Variants in RAB3IP observed in about 807,000 individuals in gnomAD.
The protein encoded by RAB3IP is rab-3A-interacting protein.
Under a neutral mutation model 59.1 loss-of-function variants are expected in RAB3IP, and 36 were observed. The ratio of observed to expected loss-of-function variants is 0.61; its 90% CI spans 0.47 to 0.80. The LOEUF (loss-of-function observed/expected upper bound fraction) is 0.80. Ranked by LOEUF, RAB3IP falls within the 30% of genes least tolerant of loss-of-function variation. RAB3IP has a pLI of 0.00. For synonymous variants in RAB3IP, 207 were observed against 191.2 expected (o/e 1.08, Z -0.68); for missense variants, 511 against 536.0 (o/e 0.95, Z 0.46).
chr12:69,799,012 A>T (rs919010857), intron 6 of RAB3IP, among the ~76,000 whole-genome samples: 14 of 152,186 alleles, frequency 9.2e-5, no homozygotes, highest in Non-Finnish European at 4.4e-5. Flanking sequence ...CCTTTTTCTC[A>T]GTAACTTTAC....
In RAB3IP at chr12:69,798,113, TGGTTGAACTA is replaced by T. The variant is rs1269633294; in HGVS notation, c.889-2094_889-2085del. On this transcript the variant is annotated intron_variant, in intron 6 of 10. Coordinates refer to ENST00000247833, the MANE Select transcript of RAB3IP (RefSeq NM_022456.5). The stretch of plus-strand genomic sequence containing the variant: ...GGAATCACCACACTGACTTCCACAA[TGGTTGAACTA>T]GTTTACAGTCCCACCAACAGTGTAA... Among the ~76,000 whole-genome samples, 4 of 152,324 alleles carry T rather than the reference TGGTTGAACTA, an allele frequency of 2.6e-5. No individual in the cohort carries two copies. In the East Asian group the frequency reaches 7.7e-4, roughly 29 times the overall value.
intron 1 of RAB3IP, among the ~76,000 whole-genome samples, chr12:69,744,795 T>C (rs775048647): frequency 3.5e-4 from 53 of 152,156 alleles, no homozygotes; most frequent in Admixed American, 9.8e-4. Context: ...ATTTGAGTAA[T>C]TTTGCCCTTG....
chr12:69,802,165 A>G (rs1033213441), intron 8 of RAB3IP, among the ~76,000 whole-genome samples: 3 of 151,662 alleles, frequency 2.0e-5, no homozygotes, highest in Admixed American at 1.3e-4. Flanking sequence ...TTACACGTAT[A>G]TGTGTAGCCA....
intron 8 of RAB3IP, among the ~76,000 whole-genome samples, chr12:69,806,052 G>T (rs1879213668): frequency 6.6e-6 from 1 of 152,150 alleles, no homozygotes; most frequent in Non-Finnish European, 1.5e-5. Flanking sequence ...CTATTTATTG[G>T]AATAGTTTCA....
chr12:69,765,773 C>A (rs1363902964), intron 3 of RAB3IP, among the ~76,000 whole-genome samples: 1 of 152,230 alleles, frequency 6.6e-6, no homozygotes, highest in Non-Finnish European at 1.5e-5. Context: ...TTTGTGGTAG[C>A]AGGTATCATT....
In RAB3IP at chr12:69,767,238, G is replaced by A. The variant is rs144763102; in HGVS notation, c.510+10575G>A. Among the ~76,000 whole-genome samples the A allele has an allele frequency of 4.7e-3, 712 of 151,956 alleles. 5 individuals carry two copies. Among genetic ancestry groups the A allele is most frequent in the Non-Finnish European group, 7.8e-3 (527 of 67,954 alleles). On this transcript the variant is annotated intron_variant, in intron 3 of 10. Coordinates refer to ENST00000247833, the MANE Select transcript of RAB3IP (RefSeq NM_022456.5). Reference sequence around the variant, plus strand: ...ATTCTGGGTAGGATCTTTTGGTTTTGCTTCTATAGTTCTGTGCACTTCTTT... The same window carrying A: ...ATTCTGGGTAGGATCTTTTGGTTTTACTTCTATAGTTCTGTGCACTTCTTT...
rs1036009073 is a variant in RAB3IP at position 69,815,219 on chromosome 12, A to G, written c.1301-145A>G. On this transcript the variant is annotated intron_variant, in intron 10 of 10. Transcript: ENST00000247833. Reference sequence around the variant, plus strand: ...ACTGGGATGGTCACAAGTCTGTGGAAAAGTTTATGTGAATTATTGAAAAAA... The same window carrying G: ...ACTGGGATGGTCACAAGTCTGTGGAGAAGTTTATGTGAATTATTGAAAAAA... 8 of 590,476 alleles carry G rather than the reference A, an allele frequency of 1.4e-5. No homozygotes were observed. In the African/African-American group the frequency reaches 1.5e-4, roughly 11 times the overall value. The allele number at this position is 590,476 out of a possible 1,614,324, so 36.6% of individuals were successfully genotyped here. A position where few individuals can be genotyped will look rare whatever the true frequency, so the allele number is the denominator to read the frequency against.
In RAB3IP at chr12:69,739,895, T is replaced by C. The variant is rs1006121123; in HGVS notation, c.-26+864T>C. 1.9e-6 allele frequency: 3 copies of C among 1,612,568 alleles called. No individual in the cohort carries two copies. The African/African-American group carries it at 4.0e-5, about 22-fold the overall frequency. On this transcript the variant is annotated intron_variant, in intron 1 of 10. Coordinates refer to ENST00000247833, the MANE Select transcript of RAB3IP (RefSeq NM_022456.5). ...GTAAGGTCTTGAAAGACACGAGCGC[T>C]GAGTTAGTTAGTACTGATTACTGAG...
intron 8 of RAB3IP, among the ~76,000 whole-genome samples, chr12:69,803,563 T>C (rs542134166): frequency 6.6e-6 from 1 of 152,044 alleles, no homozygotes; most frequent in Non-Finnish European, 1.5e-5. Context: ...TTGTTACATA[T>C]GTATACATGG....
At chr12:69,808,226 T>C (rs1009796664) in intron 8 of RAB3IP, among the ~76,000 whole-genome samples, 2 of 152,248 alleles carry the variant, frequency 1.3e-5, no homozygotes, top group African/African-American at 4.8e-5. Context: ...AATCCTGAGT[T>C]CTAGTTTGAT....
chr12:69,814,534 T>C (rs1592639435), intron 10 of RAB3IP, among the ~76,000 whole-genome samples: 1 of 152,246 alleles, frequency 6.6e-6, no homozygotes, highest in East Asian at 1.9e-4. Context: ...GGGGACGGTC[T>C]TGTGCATTTG....
At chr12:69,802,137 T>A (rs1592598647) in intron 8 of RAB3IP, among the ~76,000 whole-genome samples, 2 of 151,732 alleles carry the variant, frequency 1.3e-5, no homozygotes, top group Admixed American at 1.3e-4. Context: ...TAGTGGGTCA[T>A]AAGTAGAATT....
intron 1 of RAB3IP, among the ~76,000 whole-genome samples, chr12:69,742,696 T>A (rs1462979155): frequency 6.6e-6 from 1 of 152,174 alleles, no homozygotes; most frequent in Non-Finnish European, 1.5e-5. Context: ...GAAATTGAAA[T>A]GAACATTGAG....
chr12:69,794,430 T>C lies in RAB3IP; in HGVS notation c.607-7T>C, dbSNP rs1449908464. Reference sequence around the variant, plus strand: ...GTTTCTAAAATTTGAGATGTTAACTTTTTCAGGAAGCTCATAAAATGGTGA... The same window carrying C: ...GTTTCTAAAATTTGAGATGTTAACTCTTTCAGGAAGCTCATAAAATGGTGA... On this transcript the variant is annotated splice_polypyrimidine_tract_variant and splice_region_variant and intron_variant, in intron 4 of 10. Coordinates refer to ENST00000247833, the MANE Select transcript of RAB3IP (RefSeq NM_022456.5). 35 of 1,602,370 alleles carry C rather than the reference T, an allele frequency of 2.2e-5. No homozygotes were observed. Among genetic ancestry groups the C allele is most frequent in the Non-Finnish European group, 2.7e-5 (32 of 1,176,836 alleles).
At chr12:69,756,360 G>C in intron 2 of RAB3IP, 45 bp from the exon 3 acceptor site, 1 of 1,595,616 alleles carries the variant, frequency 6.3e-7, no homozygotes. Flanking sequence ...AGTTCTATTG[G>C]AGCATATGCT....
chr12:69,783,419 T>G (rs1875081309), intron 3 of RAB3IP, among the ~76,000 whole-genome samples: 1 of 152,214 alleles, frequency 6.6e-6, no homozygotes, highest in Non-Finnish European at 1.5e-5. Flanking sequence ...CCTCTTTATA[T>G]CTTATCCTTC....
At chr12:69,802,991 A>T (rs1878632106) in intron 8 of RAB3IP, among the ~76,000 whole-genome samples, 1 of 152,138 alleles carries the variant, frequency 6.6e-6, no homozygotes. Flanking sequence ...TCCACCCCAA[A>T]TATGGAGAGT....
chr12:69,754,671 G>A (rs544497521), intron 1 of RAB3IP, among the ~76,000 whole-genome samples: 4 of 152,254 alleles, frequency 2.6e-5, no homozygotes, highest in African/African-American at 9.6e-5. Flanking sequence ...ATGAGGTAAC[G>A]CATTCGTTAA....
At chr12:69,773,399 CTTTTTTTTTTTTT>C (rs71437123) in intron 3 of RAB3IP, among the ~76,000 whole-genome samples, 1 of 48,002 alleles carries the variant, frequency 2.1e-5, no homozygotes, top group East Asian at 6.3e-4. Flanking sequence ...ATTTGTCTTT[CTTTTTTTTTTTTT>C]TTTTTTTTTT....
Sources: allele counts gnomAD v4.1 joint callset (sites outside exome capture counted in the v4.1 genomes callset), GRCh38; gene constraint gnomAD v4.1.1; transcripts MANE v1.5; gene names NCBI Gene and HGNC (gene_info 2026-07-23, HGNC 2026-07-21).